Variants in POLQ observed in about 807,000 individuals in gnomAD.
POLQ encodes epididymis secretory sperm binding protein.
A neutral mutation model predicts 259.2 loss-of-function variants in POLQ; 233 were observed. The ratio of observed to expected loss-of-function variants is 0.90; its 90% confidence interval spans 0.81 to 1.00. The LOEUF (loss-of-function observed/expected upper bound fraction) is 1.00. POLQ is among the 50% of genes least tolerant of loss of function. POLQ has a pLI of 0.00. For synonymous variants in POLQ, 1,025 were observed against 1,048.8 expected (o/e 0.98, Z 0.44); for missense variants, 2,871 against 3,051.6 (o/e 0.94, Z 1.39).
At chr3:121,433,959 A>G (rs1348527568) in intron 28 of POLQ, among the ~76,000 whole-genome samples, 2 of 152,218 alleles carry the variant, frequency 1.3e-5, no homozygotes, top group African/African-American at 4.8e-5. Flanking sequence ...TCACACAGTA[A>G]GCAAACAAAA....
intron 7 of POLQ, among the ~76,000 whole-genome samples, chr3:121,526,386 T>A (rs556059320): frequency 6.6e-6 from 1 of 152,280 alleles, no homozygotes; most frequent in South Asian, 2.1e-4. Context: ...TAGACATGAG[T>A]AGTCCTGATC....
intron 25 of POLQ, among the ~76,000 whole-genome samples, chr3:121,454,513 G>T (rs1295010021): frequency 1.3e-5 from 2 of 152,054 alleles, no homozygotes; most frequent in East Asian, 1.9e-4. Context: ...ACACACATAG[G>T]CTCAAAATAA....
chr3:121,522,532 C>T (rs1009611237), intron 7 of POLQ, among the ~76,000 whole-genome samples: 3 of 150,414 alleles, frequency 2.0e-5, no homozygotes, highest in South Asian at 4.2e-4. Flanking sequence ...AGGATGGTCT[C>T]GATCTCCTGA....
At chr3:121,480,177 A>AAT (rs898566929) in intron 19 of POLQ, among the ~76,000 whole-genome samples, 56 of 151,568 alleles carry the variant, frequency 3.7e-4, no homozygotes, top group Non-Finnish European at 6.5e-4. Flanking sequence ...TTGGAAAAAA[A>AAT]ATATATATAT....
intron 7 of POLQ, among the ~76,000 whole-genome samples, chr3:121,524,686 T>A (rs1053919263): frequency 6.6e-6 from 1 of 151,998 alleles, no homozygotes; most frequent in Non-Finnish European, 1.5e-5. Flanking sequence ...TAATCTAAAG[T>A]GACAGCAAGC....
At chr3:121,466,081 G>A (rs1245167772) in intron 24 of POLQ, among the ~76,000 whole-genome samples, 2 of 152,118 alleles carry the variant, frequency 1.3e-5, no homozygotes, top group African/African-American at 4.8e-5. Context: ...ACACACAAAT[G>A]ATAAGAAGGC....
intron 26 of POLQ, among the ~76,000 whole-genome samples, chr3:121,444,313 T>G (rs2047616208): frequency 7.4e-6 from 1 of 134,556 alleles, no homozygotes; most frequent in Admixed American, 7.9e-5. Context: ...ATCTTTCACT[T>G]CTTTGGCTAA....
chr3:121,520,387 T>C (rs2048329395), intron 8 of POLQ, among the ~76,000 whole-genome samples: 1 of 151,952 alleles, frequency 6.6e-6, no homozygotes, highest in African/African-American at 2.4e-5. Context: ...AATATAAAAA[T>C]TAGCTGTGCA....
chr3:121,493,440 T>A (rs550140887), intron 15 of POLQ, 38 bp downstream of exon 15: 16 of 1,429,894 alleles, frequency 1.1e-5, no homozygotes, highest in Admixed American at 6.7e-5. Context: ...ATTTTTTTTT[T>A]ATTTCATAAG....
chr3:121,496,847 G>C lies in POLQ; in HGVS notation c.2239C>G (p.Gln747Glu). 6.2e-7 allele frequency: 1 copy of C among 1,613,786 alleles called. No individual in the cohort carries two copies. Among genetic ancestry groups the C allele is most frequent in the Non-Finnish European group, 8.5e-7 (1 of 1,179,850 alleles). The change falls in exon 14 of 30, where the codon CAG (glutamine) becomes GAG (glutamate). Residue 747 changes from glutamine to glutamate, a missense_variant. Transcript: ENST00000264233. ...INQKYGCNRG[Q>E]IQSLQQSAAV... ...GCTGACTGTTGCAAAGATTGAATCT[G>C]CCCACGATTGCATCCATATTTCTGA...
intron 9 of POLQ, among the ~76,000 whole-genome samples, chr3:121,512,508 A>G (rs1172754165): frequency 6.6e-6 from 1 of 152,220 alleles, no homozygotes; most frequent in Non-Finnish European, 1.5e-5. Context: ...CTAGAAGCCC[A>G]GATACCTTTT....
intron 25 of POLQ, among the ~76,000 whole-genome samples, chr3:121,458,852 A>G (rs1226872735): frequency 6.6e-6 from 1 of 152,170 alleles, no homozygotes; most frequent in African/African-American, 2.4e-5. Flanking sequence ...GGAGTTGAAG[A>G]CCACCCTGGG....
At position 121,506,264 on chromosome 3, in the gene POLQ, A is replaced by C. The variant is rs1289088555; in HGVS notation, c.1959+3297T>G. ...TCCCTAATATATAAAAAAACCTTTA[A>C]AACTAAAAACAAAACAAAACAAAAA... On this transcript the variant is annotated intron_variant, in intron 12 of 29. Transcript: ENST00000264233. Among the ~76,000 whole-genome samples, 3 of 133,726 alleles carry C rather than the reference A, an allele frequency of 2.2e-5. No homozygotes were observed. The East Asian group carries it at 6.6e-4, about 29-fold the overall frequency. The allele number at this position is 133,726 out of a possible 152,430, so 87.7% of individuals were successfully genotyped here.
At chr3:121,461,973 T>G (rs2047795946) in intron 24 of POLQ, among the ~76,000 whole-genome samples, 2 of 152,176 alleles carry the variant, frequency 1.3e-5, no homozygotes, top group Admixed American at 1.3e-4. Context: ...AAATACAGGT[T>G]GAGCATCCCT....
At chr3:121,536,164 A>C (rs995956402) in intron 5 of POLQ, among the ~76,000 whole-genome samples, 8 of 152,230 alleles carry the variant, frequency 5.3e-5, no homozygotes, top group Non-Finnish European at 8.8e-5. Context: ...TAGCCCAGTT[A>C]CCAATGTCAT....
intron 27 of POLQ, among the ~76,000 whole-genome samples, chr3:121,437,548 G>A (rs1404530088): frequency 1.3e-5 from 2 of 152,198 alleles, no homozygotes; most frequent in Non-Finnish European, 2.9e-5. Context: ...TTAATAGCAA[G>A]TGTCGACAAG....
intron 15 of POLQ, among the ~76,000 whole-genome samples, chr3:121,490,905 A>T (rs2048063173): frequency 6.6e-6 from 1 of 151,858 alleles, no homozygotes; most frequent in Non-Finnish European, 1.5e-5. Flanking sequence ...AATACAAAAA[A>T]TCAGCCAGGC....
intron 5 of POLQ, among the ~76,000 whole-genome samples, chr3:121,535,409 T>C (rs2048442895): frequency 6.6e-6 from 1 of 152,156 alleles, no homozygotes; most frequent in Admixed American, 6.6e-5. Flanking sequence ...TTGACTTTTA[T>C]ACCTGGACAG....
chr3:121,487,674 G>A lies in POLQ; in HGVS notation c.5257C>T (p.Leu1753Phe), dbSNP rs1185296633. ...SASKLTFPGI[L>F]ETPVNPWKTN... ...TTCCAAGGGTTTACAGGTGTTTCAA[G>A]AATCCCTGGAAATGTCAGCTTAGAA... Residue 1753 changes from leucine (L) to phenylalanine (F), a missense_variant, in exon 16 of 30, where the codon CTT becomes TTT. Leu to Phe is a conservative substitution (Grantham distance 22). This residue lies in a region of POLQ where 2,080 missense variants were observed against 2,126.0 expected (regional missense o/e 0.98). Coordinates refer to ENST00000264233, the MANE Select transcript of POLQ (RefSeq NM_199420.4). The A allele has an allele frequency of 2.5e-6, 4 of 1,613,712 alleles. No homozygotes were observed. The highest frequency in any genetic ancestry group is 3.4e-6 in the Non-Finnish European group (4 of 1,179,650).
Sources: gnomAD v4.1 joint callset for allele counts (sites outside exome capture counted in the v4.1 genomes callset) on GRCh38, gnomAD v4.1.1 for gene constraint, gnomAD v4.1.1 regional missense constraint, MANE v1.5 for transcripts, NCBI Gene and HGNC (gene_info 2026-07-23, HGNC 2026-07-21) for gene names.